The following TRPC3 variants were observed in gnomAD, a reference collection of about 807,000 sequenced individuals.
TRPC3 encodes the protein transient receptor potential cation channel subfamily C member 3, also known as short transient receptor potential channel 3.
Under a neutral mutation model 90.9 loss-of-function variants are expected in TRPC3, and 54 were observed. The ratio of observed to expected loss-of-function variants is 0.59; its 90% CI spans 0.48 to 0.75. The LOEUF is 0.75. TRPC3 is among the 30% of genes least tolerant of loss of function. The pLI is 0.00. For missense variants in TRPC3, 918 were observed against 1,194.5 expected, an observed-to-expected ratio of 0.77 and a Z score of 3.41; for synonymous variants, 424 against 450.9, an observed-to-expected ratio of 0.94 and a Z score of 0.75.
chr4:121,919,731 A>G (rs1450090655), intron 3 of TRPC3, among the ~76,000 whole-genome samples: 2 of 152,166 alleles, frequency 1.3e-5, no homozygotes, highest in African/African-American at 4.8e-5. Flanking sequence ...TCTTTTTAGG[A>G]TGGCTTTTCT....
chr4:121,950,968 G>T (rs1730707674), intron 1 of TRPC3: 1 of 152,556 alleles, frequency 6.6e-6, no homozygotes, highest in South Asian at 2.1e-4. Flanking sequence ...GTCCCAGAGC[G>T]TCGGAGGGGA....
intron 3 of TRPC3, among the ~76,000 whole-genome samples, chr4:121,921,519 C>CT (rs1326047329): frequency 1.0e-4 from 8 of 77,278 alleles, no homozygotes; most frequent in Admixed American, 3.3e-4. Flanking sequence ...GAGACTCCGT[C>CT]TCAAAAAAAA....
intron 1 of TRPC3, among the ~76,000 whole-genome samples, chr4:121,947,348 C>T (rs540759352): frequency 5.9e-5 from 9 of 152,194 alleles, no homozygotes; most frequent in African/African-American, 1.9e-4. Context: ...TAAGATTCAA[C>T]AATCACTTGG....
intron 1 of TRPC3, among the ~76,000 whole-genome samples, chr4:121,934,718 G>A (rs1425450034): frequency 6.6e-6 from 1 of 152,178 alleles, no homozygotes; most frequent in African/African-American, 2.4e-5. Flanking sequence ...CCTGGCAAGA[G>A]GAATCAGAGG....
Position 121,922,065 on chromosome 4 carries a change from C to A in TRPC3, c.1176+2953G>T, listed in dbSNP as rs1435375379. Among the ~76,000 whole-genome samples the A allele has an allele frequency of 2.0e-5, 3 of 151,930 alleles. No homozygotes were observed. The South Asian group carries it at 6.3e-4, about 32-fold the overall frequency. ...TCCCTAGTAGCTGCAACTACAGGTG[C>A]CTGCCACCACGCCCGTCTAATTTTT... On this transcript the variant is annotated intron_variant, in intron 3 of 11. Transcript: ENST00000379645.
At chr4:121,891,437 A>T (rs1445294871) in intron 10 of TRPC3, among the ~76,000 whole-genome samples, 7 of 152,234 alleles carry the variant, frequency 4.6e-5, no homozygotes, top group Admixed American at 4.6e-4. Flanking sequence ...CTGTGGGACT[A>T]AAACTAAACC....
rs1729244823 is a variant in TRPC3 at position 121,914,767 on chromosome 4, A to G, written c.1341+13T>C. On this transcript the variant is annotated intron_variant, in intron 4 of 11. Coordinates refer to ENST00000379645, the MANE Select transcript of TRPC3 (RefSeq NM_001130698.2). ...ACACCACCACAGAGGAAATAGATGTAGAAAGCAAGTACCCTGCTGCAAGGT... is the reference window on the plus strand; with the variant it reads ...ACACCACCACAGAGGAAATAGATGTGGAAAGCAAGTACCCTGCTGCAAGGT... 1 of 1,588,704 alleles carries G rather than the reference A, an allele frequency of 6.3e-7. No homozygotes were observed. Among genetic ancestry groups the G allele is most frequent in the South Asian group, 1.1e-5 (1 of 89,038 alleles).
intron 4 of TRPC3, among the ~76,000 whole-genome samples, chr4:121,912,838 C>A (rs1398226025): frequency 1.3e-5 from 2 of 152,184 alleles, no homozygotes; most frequent in Admixed American, 1.3e-4. Flanking sequence ...GATATAATGT[C>A]CTTAAAAGTC....
rs966722429 is a variant in TRPC3, at chr4:121,910,025, C to A, written c.1792+129G>T. The A allele has an allele frequency of 5.7e-6, 4 of 701,314 alleles. No homozygotes were observed. The Admixed American group carries it at 8.3e-5, about 15-fold the overall frequency. 43.4% of individuals were successfully genotyped at this position (701,314 alleles called of 1,614,324 possible). On this transcript the variant is annotated intron_variant, in intron 6 of 11. Coordinates refer to ENST00000379645, the MANE Select transcript of TRPC3 (RefSeq NM_001130698.2). ...AGTTTTGTAGGTTCCAAAGTTCATG[C>A]TTTCTCCACTGTCCATAAATATTCA... is the stretch of plus-strand genomic sequence containing the variant.
chr4:121,918,715 A>C (rs1199520973), intron 3 of TRPC3, among the ~76,000 whole-genome samples: 2 of 152,204 alleles, frequency 1.3e-5, no homozygotes, highest in Non-Finnish European at 1.5e-5. Flanking sequence ...ACACGACTTC[A>C]TGGATTCTGT....
chr4:121,887,895 G>T (rs932644853), intron 10 of TRPC3, among the ~76,000 whole-genome samples: 3 of 151,696 alleles, frequency 2.0e-5, no homozygotes. Flanking sequence ...AAAAAATCAC[G>T]CCCAGTTAAA....
In TRPC3 at chr4:121,877,672, A is replaced by T. The variant is rs376704951; in HGVS notation, c.*2064T>A. Reference sequence around the variant, plus strand: ...ACCTTCTTCTGAAACAACACCTTGAAATGATGAATAAGGAAAAAGATGAAA... The same window carrying T: ...ACCTTCTTCTGAAACAACACCTTGATATGATGAATAAGGAAAAAGATGAAA... On this transcript the variant is annotated 3_prime_UTR_variant, in exon 12 of 12. Coordinates refer to ENST00000379645, the MANE Select transcript of TRPC3 (RefSeq NM_001130698.2). 6.6e-6 allele frequency among the ~76,000 whole-genome samples: 1 copy of T among 152,018 alleles called. No individual in the cohort carries two copies. Among genetic ancestry groups the T allele is most frequent in the Non-Finnish European group, 1.5e-5 (1 of 67,992 alleles).
At chr4:121,939,471 G>A (rs1330440226) in intron 1 of TRPC3, among the ~76,000 whole-genome samples, 2 of 152,220 alleles carry the variant, frequency 1.3e-5, no homozygotes, top group Non-Finnish European at 2.9e-5. Flanking sequence ...AAGCCGTGAT[G>A]CTTACTGTCC....
chr4:121,939,947 A>G (rs1164779258), intron 1 of TRPC3, among the ~76,000 whole-genome samples: 1 of 152,220 alleles, frequency 6.6e-6, no homozygotes, highest in Non-Finnish European at 1.5e-5. Context: ...GACAGAGAAG[A>G]GCAGGGGAAA....
intron 1 of TRPC3, among the ~76,000 whole-genome samples, chr4:121,938,000 T>G (rs1289975655): frequency 1.3e-5 from 2 of 151,030 alleles, no homozygotes; most frequent in Non-Finnish European, 2.9e-5. Flanking sequence ...CCTCCCGGGC[T>G]CAAGTGTCTG....
At chr4:121,933,897 T>G (rs1730042287) in intron 1 of TRPC3, among the ~76,000 whole-genome samples, 1 of 152,226 alleles carries the variant, frequency 6.6e-6, no homozygotes, top group Non-Finnish European at 1.5e-5. Flanking sequence ...CTAGATTGAT[T>G]TTATTGAAAA....
At chr4:121,908,247 T>C (rs1471253756) in intron 6 of TRPC3, among the ~76,000 whole-genome samples, 7 of 152,148 alleles carry the variant, frequency 4.6e-5, no homozygotes, top group Non-Finnish European at 8.8e-5. Context: ...TTGTGCAAAC[T>C]TGCAGACATC....
Position 121,927,024 on chromosome 4 carries a change from C to T in TRPC3, c.988-1818G>A, listed in dbSNP as rs543013529. Among the ~76,000 whole-genome samples the T allele has an allele frequency of 7.2e-5, 11 of 152,296 alleles. No individual in the cohort carries two copies. In the South Asian group the frequency reaches 2.3e-3, roughly 32 times the overall value. On this transcript the variant is annotated intron_variant, in intron 2 of 11. Coordinates refer to ENST00000379645, the MANE Select transcript of TRPC3 (RefSeq NM_001130698.2). ...TGTAGAGAGGTAGATGGATACCCAC[C>T]TGTATACAGAGGGTTTTTTGTTTGT...
At chr4:121,925,987 A>C (rs1729693879) in intron 2 of TRPC3, among the ~76,000 whole-genome samples, 2 of 152,228 alleles carry the variant, frequency 1.3e-5, no homozygotes, top group Admixed American at 1.3e-4. Context: ...TTTTTCTAAA[A>C]TGGCAATTTG....
Sources: gnomAD v4.1 joint callset for allele counts (sites outside exome capture counted in the v4.1 genomes callset) on GRCh38, gnomAD v4.1.1 for gene constraint, MANE v1.5 for transcripts, NCBI Gene and HGNC (gene_info 2026-07-23, HGNC 2026-07-21) for gene names.